The following TESMIN variants were observed in gnomAD, a reference collection of about 807,000 sequenced individuals.
The protein encoded by TESMIN is CXC domain containing 2.
A neutral mutation model predicts 47.4 loss-of-function variants in TESMIN; 34 were observed. The ratio of observed to expected loss-of-function variants is 0.72; its 90% CI spans 0.55 to 0.96. The LOEUF (loss-of-function observed/expected upper bound fraction) is 0.96, where lower values mean the gene tolerates loss of function less well. TESMIN is among the 40% of genes least tolerant of loss of function. TESMIN has a pLI of 0.00. For missense variants in TESMIN, 610 were observed against 637.2 expected (o/e 0.96, Z 0.46); for synonymous variants, 278 against 258.9 (o/e 1.07, Z -0.71).
rs1364442896 is a variant in TESMIN, at chr11:68,711,317, GT to G, written c.1159-269del. Reference sequence around the variant, plus strand: ...GAGCGTGTATATGAGTGTGTGTGGGGTGTGTGTGTGTCGAGTGTGCGTGTGT... The same window carrying G: ...GAGCGTGTATATGAGTGTGTGTGGGGGTGTGTGTGTCGAGTGTGCGTGTGT... On this transcript the variant is annotated intron_variant, in intron 8 of 9. Transcript: ENST00000255087. Among the ~76,000 whole-genome samples, 1,134 of 151,282 alleles carry G rather than the reference GT, an allele frequency of 7.5e-3. 14 individuals are homozygous for G. The highest frequency in any genetic ancestry group is 0.026 in the African/African-American group (1,070 of 41,232).
At chr11:68,747,452 T>C in intron 2 of TESMIN, 86 bp from the exon 3 acceptor site, 1 of 1,212,746 alleles carries the variant, frequency 8.2e-7, no homozygotes, top group Non-Finnish European at 1.2e-6. Flanking sequence ...GAAATCTCAG[T>C]GATAAGTAGA....
chr11:68,737,238 C>T (rs1451017655), intron 6 of TESMIN: 2 of 985,212 alleles, frequency 2.0e-6, no homozygotes, highest in African/African-American at 3.5e-5. Flanking sequence ...TCCATCACAC[C>T]CAGAGAGTGA....
At chr11:68,744,927 C>T (rs1444715024) in intron 4 of TESMIN, 64 bp downstream of exon 4, 39 of 1,384,008 alleles carry the variant, frequency 2.8e-5, no homozygotes, top group Non-Finnish European at 2.9e-6. Context: ...ATATACAAAG[C>T]CAAACATATT....
chr11:68,710,159 C>CA (rs1252782113), intron 9 of TESMIN, among the ~76,000 whole-genome samples: 5 of 151,238 alleles, frequency 3.3e-5, no homozygotes, highest in African/African-American at 9.7e-5. Context: ...GCCCTGGTCT[C>CA]AAAAAAAAGA....
downstream of TESMIN, among the ~76,000 whole-genome samples, chr11:68,706,891 C>A (rs191064897): frequency 6.6e-6 from 1 of 152,192 alleles, no homozygotes; most frequent in African/African-American, 2.4e-5. Context: ...GGCAGCCCCC[C>A]CAGAGGCAGC....
intron 6 of TESMIN, among the ~76,000 whole-genome samples, chr11:68,718,280 C>T (rs1032155194): frequency 1.5e-4 from 23 of 150,060 alleles, no homozygotes; most frequent in African/African-American, 3.9e-4. Flanking sequence ...CCCAGAGAAA[C>T]GGACCATGCA....
In TESMIN at chr11:68,715,908, A is replaced by G. The variant is rs148395296; in HGVS notation, c.949T>C (p.Cys317Arg). 1,725 of 1,613,520 alleles carry G rather than the reference A, an allele frequency of 1.1e-3. 7 individuals are homozygous for G. Among genetic ancestry groups the G allele is most frequent in the South Asian group, 2.9e-3 (262 of 91,056 alleles). ...CAATTATTACAATTGCAGTTGTTGC[A>G]AAAGTCCCCACTGGCAAAGCAGTCA... ...YCDCFASGDF[C>R]NNCNCNNCCN... The change falls in exon 7 of 10, where the codon TGC becomes CGC. Residue 317 changes from cysteine (C) to arginine (R), a missense_variant. Cys to Arg is a radical substitution (Grantham distance 180). Transcript: ENST00000255087.
chr11:68,720,576 G>C (rs759944774), intron 6 of TESMIN, among the ~76,000 whole-genome samples: 2 of 152,048 alleles, frequency 1.3e-5, no homozygotes, highest in South Asian at 2.1e-4. Context: ...TCAATTCAGC[G>C]TGTCCACCCC....
chr11:68,723,562 G>A (rs1321683362), intron 6 of TESMIN, among the ~76,000 whole-genome samples: 1 of 150,554 alleles, frequency 6.6e-6, no homozygotes, highest in Admixed American at 6.6e-5. Context: ...AAAGACAGCA[G>A]TAAAAAGCAG....
chr11:68,741,461 C>T (rs1469822432), intron 5 of TESMIN, among the ~76,000 whole-genome samples: 1 of 152,196 alleles, frequency 6.6e-6, no homozygotes, highest in Non-Finnish European at 1.5e-5. Flanking sequence ...TCCCCATCCC[C>T]CCAATCCGCT....
chr11:68,710,617 A>C, intron 9 of TESMIN: 1 of 431,082 alleles, frequency 2.3e-6, no homozygotes, highest in African/African-American at 2.0e-5. Context: ...TTTGTCTGGT[A>C]CAAAACGGGA....
At position 68,710,837 on chromosome 11, in the gene TESMIN, T is replaced by G. The variant is rs754200707; in HGVS notation, c.1334+37A>C. ...AATTCTCCTCTCAAATTAACCTCTG[T>G]TCCCTCTATTAGCAGAGGTTAGTTC... is the stretch of plus-strand genomic sequence containing the variant. On this transcript the variant is annotated intron_variant, in intron 9 of 9. Coordinates refer to ENST00000255087, the MANE Select transcript of TESMIN (RefSeq NM_004923.3). 4.5e-6 allele frequency: 7 copies of G among 1,547,864 alleles called. No individual in the cohort carries two copies. In the East Asian group the frequency reaches 1.6e-4, roughly 35 times the overall value.
At chr11:68,721,678 TG>T (rs1236776296) in intron 6 of TESMIN, among the ~76,000 whole-genome samples, 1 of 152,228 alleles carries the variant, frequency 6.6e-6, no homozygotes, top group East Asian at 1.9e-4. Context: ...GAAAAGTCTC[TG>T]GAATCTGTGT....
intron 3 of TESMIN, among the ~76,000 whole-genome samples, chr11:68,746,814 T>TTA (rs1399933949): frequency 6.6e-5 from 10 of 152,272 alleles, no homozygotes; most frequent in African/African-American, 1.9e-4. Flanking sequence ...TATACAAGCG[T>TTA]TACCTGTTAT....
intron 6 of TESMIN, among the ~76,000 whole-genome samples, chr11:68,718,878 A>T (rs1224299153): frequency 6.6e-6 from 1 of 152,222 alleles, no homozygotes; most frequent in African/African-American, 2.4e-5. Context: ...TCCCAATCTA[A>T]ATTATCATCT....
intron 8 of TESMIN, among the ~76,000 whole-genome samples, chr11:68,712,079 G>T (rs770838632): frequency 6.6e-6 from 1 of 152,228 alleles, no homozygotes; most frequent in African/African-American, 2.4e-5. Flanking sequence ...GAAGCAGGAG[G>T]CTTTATAGAG....
In TESMIN at chr11:68,743,824, T is replaced by C. The variant is rs12285437; in HGVS notation, c.751+1167A>G. Among the ~76,000 whole-genome samples the C allele has an allele frequency of 7.3e-3, 1,105 of 152,302 alleles. 12 individuals carry two copies. The highest frequency in any genetic ancestry group is 0.025 in the African/African-American group (1,045 of 41,556). On this transcript the variant is annotated intron_variant, in intron 4 of 9. Coordinates refer to ENST00000255087, the MANE Select transcript of TESMIN (RefSeq NM_004923.3). ...GACGCAGGCAGCAGGATGCACGTAC[T>C]TTATTGTGATGTTTAATATGTGCAC...
chr11:68,704,961 G>A (rs908051966), downstream of TESMIN, among the ~76,000 whole-genome samples: 8 of 152,310 alleles, frequency 5.3e-5, no homozygotes, highest in East Asian at 9.7e-4. Flanking sequence ...GGTGGCTGGG[G>A]CCGGGCAGTG....
At position 68,707,539 on chromosome 11, in the gene TESMIN, A is replaced by T; in HGVS notation, c.*769T>A. ...ACCTGCTGGTTTCCACAAGCTAGTT[A>T]TGTGAACCATGTTTTACAAACAATA... On this transcript the variant is annotated 3_prime_UTR_variant, in exon 10 of 10. Transcript: ENST00000255087. 5.3e-6 allele frequency: 1 copy of T among 187,338 alleles called. No individual in the cohort carries two copies. Among genetic ancestry groups the T allele is most frequent in the East Asian group, 1.2e-4 (1 of 8,516 alleles). The allele number at this position is 187,338 out of a possible 1,614,324, so 11.6% of individuals were successfully genotyped here. A position where few individuals can be genotyped will look rare whatever the true frequency, so the allele number is the denominator to read the frequency against.
Sources: allele counts gnomAD v4.1 joint callset (sites outside exome capture counted in the v4.1 genomes callset), GRCh38; gene constraint gnomAD v4.1.1; transcripts MANE v1.5; gene names NCBI Gene and HGNC (gene_info 2026-07-23, HGNC 2026-07-21).